Variants in DLG2 observed in about 807,000 individuals in gnomAD.
DLG2 encodes discs large MAGUK scaffold protein 2, also known as disks large homolog 2.
In DLG2, 45 loss-of-function variants were observed where a neutral mutation model predicts 132.5. That is an observed-to-expected ratio of 0.34 (90% CI 0.27 to 0.44). DLG2 has a LOEUF of 0.44. Ranked by LOEUF, DLG2 falls within the 20% of genes least tolerant of loss-of-function variation. DLG2 has a pLI of 1.00. For synonymous variants in DLG2, 424 were observed against 419.6 expected, an observed-to-expected ratio of 1.01 and a Z score of -0.13; for missense variants, 1,045 against 1,196.9, an observed-to-expected ratio of 0.87 and a Z score of 1.87.
intron 7 of DLG2, among the ~76,000 whole-genome samples, chr11:84,391,034 T>A (rs1288220572): frequency 6.6e-6 from 1 of 152,152 alleles, no homozygotes; most frequent in Admixed American, 6.5e-5. Flanking sequence ...ATTGATTAAC[T>A]GAGACACGTG....
intron 3 of DLG2, among the ~76,000 whole-genome samples, chr11:85,368,512 A>G (rs937704510): frequency 6.6e-6 from 1 of 152,140 alleles, no homozygotes. Context: ...CTAAATTCCA[A>G]CCTATCATTA....
At chr11:85,376,891 T>C (rs922188582) in intron 3 of DLG2, among the ~76,000 whole-genome samples, 6 of 152,162 alleles carry the variant, frequency 3.9e-5, no homozygotes, top group East Asian at 1.9e-4. Context: ...CTGTACTGGA[T>C]ATAAGGTAAA....
intron 4 of DLG2, among the ~76,000 whole-genome samples, chr11:85,218,184 A>C (rs1410402892): frequency 6.6e-6 from 1 of 152,224 alleles, no homozygotes; most frequent in Non-Finnish European, 1.5e-5. Flanking sequence ...AACAAAAACA[A>C]AAATAGTTAA....
intron 4 of DLG2, among the ~76,000 whole-genome samples, chr11:85,269,864 T>C (rs1159428078): frequency 6.6e-6 from 1 of 152,234 alleles, no homozygotes; most frequent in Non-Finnish European, 1.5e-5. Context: ...ATTTTCTGTA[T>C]CTTAGATTAT....
At chr11:84,548,539 T>C (rs931224361) in intron 6 of DLG2, among the ~76,000 whole-genome samples, 1 of 151,906 alleles carries the variant, frequency 6.6e-6, no homozygotes. Context: ...GTGTTTGGTT[T>C]TTTGTCCTTG....
At chr11:83,650,835 C>A (rs1040580191) in intron 18 of DLG2, among the ~76,000 whole-genome samples, 1 of 152,146 alleles carries the variant, frequency 6.6e-6, no homozygotes, top group African/African-American at 2.4e-5. Flanking sequence ...ACTTTCTACT[C>A]CAGATGCCAT....
chr11:83,543,195 G>A (rs569177975), intron 19 of DLG2, among the ~76,000 whole-genome samples: 9 of 152,038 alleles, frequency 5.9e-5, no homozygotes, highest in Admixed American at 5.2e-4. Context: ...CCAAGCTCCC[G>A]GAATGAATCA....
At chr11:85,024,159 A>G (rs1029247445) in intron 6 of DLG2, among the ~76,000 whole-genome samples, 1 of 152,140 alleles carries the variant, frequency 6.6e-6, no homozygotes, top group African/African-American at 2.4e-5. Context: ...AAGATCAAAT[A>G]TAATATATGA....
chr11:84,837,264 C>CAG (rs1247129301), intron 6 of DLG2, among the ~76,000 whole-genome samples: 6 of 151,774 alleles, frequency 4.0e-5, no homozygotes. Flanking sequence ...CCCAGAATTT[C>CAG]ACCTTGCTTC....
rs1312526932 is a variant in DLG2 at position 83,466,834 on chromosome 11, A to G, written c.2620-17T>C. ...GTGTTTGCCCTGGTAGAAAGAGAAG[A>G]AAAATATGAAGTTAATATAGGAAGC... On this transcript the variant is annotated splice_polypyrimidine_tract_variant and intron_variant, in intron 25 of 27. Coordinates refer to ENST00000376104, the MANE Select transcript of DLG2 (RefSeq NM_001142699.3). The G allele has an allele frequency of 6.5e-7, 1 of 1,546,998 alleles. No individual in the cohort carries two copies. The highest frequency in any genetic ancestry group is 1.4e-5 in the African/African-American group (1 of 73,782).
intron 14 of DLG2, among the ~76,000 whole-genome samples, chr11:83,936,225 A>G (rs987380559): frequency 1.3e-5 from 2 of 152,252 alleles, no homozygotes; most frequent in African/African-American, 4.8e-5. Context: ...GATGGCTTTT[A>G]GTCTCGCAAA....
At chr11:85,173,259 G>A (rs1392833272) in intron 4 of DLG2, among the ~76,000 whole-genome samples, 5 of 152,196 alleles carry the variant, frequency 3.3e-5, no homozygotes, top group Non-Finnish European at 5.9e-5. Flanking sequence ...AAGCTCAGCA[G>A]ACTAACAGCA....
At chr11:84,060,249 T>G (rs891186259) in intron 10 of DLG2, among the ~76,000 whole-genome samples, 1 of 151,928 alleles carries the variant, frequency 6.6e-6, no homozygotes, top group African/African-American at 2.4e-5. Context: ...AGGGTGGAGG[T>G]TGCAGTGAGC....
chr11:85,506,450 T>A (rs1326073803), intron 3 of DLG2, among the ~76,000 whole-genome samples: 1 of 152,248 alleles, frequency 6.6e-6, no homozygotes, highest in Non-Finnish European at 1.5e-5. Flanking sequence ...GACATCTTTA[T>A]TTCTGCTTTT....
chr11:83,898,259 G>T (rs2072354305), intron 15 of DLG2, among the ~76,000 whole-genome samples: 1 of 152,042 alleles, frequency 6.6e-6, no homozygotes, highest in Admixed American at 6.6e-5. Flanking sequence ...ATATGTATGT[G>T]TATACCTATA....
intron 11 of DLG2, among the ~76,000 whole-genome samples, chr11:84,037,042 G>A (rs1480317660): frequency 1.3e-5 from 2 of 152,094 alleles, no homozygotes; most frequent in Non-Finnish European, 2.9e-5. Context: ...ACAATTTAGG[G>A]TAGAAATACA....
At chr11:84,611,020 G>GACACAC (rs1377191854) in intron 6 of DLG2, among the ~76,000 whole-genome samples, 1 of 71,874 alleles carries the variant, frequency 1.4e-5, no homozygotes, top group African/African-American at 6.4e-5. Context: ...TCTGTTAGAT[G>GACACAC]ACATACACAC....
At chr11:85,426,835 A>G (rs2090784096) in intron 3 of DLG2, among the ~76,000 whole-genome samples, 1 of 152,198 alleles carries the variant, frequency 6.6e-6, no homozygotes, top group African/African-American at 2.4e-5. Context: ...CTCTGAGCTA[A>G]AGGAGGAAGT....
chr11:84,852,274 G>T (rs2082250830), intron 6 of DLG2, among the ~76,000 whole-genome samples: 1 of 152,004 alleles, frequency 6.6e-6, no homozygotes, highest in South Asian at 2.1e-4. Context: ...TTGGATCTAA[G>T]ACATGATAAG....
Sources: allele counts gnomAD v4.1 joint callset (sites outside exome capture counted in the v4.1 genomes callset), GRCh38; gene constraint gnomAD v4.1.1; transcripts MANE v1.5; gene names NCBI Gene and HGNC (gene_info 2026-07-23, HGNC 2026-07-21).